OPCML: variants seen among roughly 807,000 people sequenced by gnomAD.
The protein encoded by OPCML is opioid binding protein/cell adhesion molecule like.
A neutral mutation model predicts 37.8 loss-of-function variants in OPCML; 13 were observed. That is an observed-to-expected ratio of 0.34 (90% CI 0.22 to 0.55). The LOEUF (loss-of-function observed/expected upper bound fraction) is 0.55. Ranked by LOEUF, OPCML falls within the 20% of genes least tolerant of loss-of-function variation. The pLI, the probability that OPCML is intolerant of heterozygous loss-of-function variation, is 0.91. For missense variants in OPCML, 341 were observed against 435.6 expected, an observed-to-expected ratio of 0.78 and a Z score of 1.93; for synonymous variants, 176 against 168.8, an observed-to-expected ratio of 1.04 and a Z score of -0.33.
At chr11:132,507,852 G>A (rs2096260769) in intron 4 of OPCML, among the ~76,000 whole-genome samples, 1 of 150,558 alleles carries the variant, frequency 6.6e-6, no homozygotes, top group Non-Finnish European at 1.5e-5. Flanking sequence ...TAAATATGGA[G>A]TAAAAAAGAA....
At chr11:133,197,895 T>C (rs1397214305) in intron 1 of OPCML, among the ~76,000 whole-genome samples, 1 of 152,100 alleles carries the variant, frequency 6.6e-6, no homozygotes, top group Non-Finnish European at 1.5e-5. Context: ...TCTGGGACGT[T>C]CATAGCCTGA....
chr11:133,510,193 G>A (rs1948124693), intron 1 of OPCML, among the ~76,000 whole-genome samples: 1 of 152,184 alleles, frequency 6.6e-6, no homozygotes, highest in Non-Finnish European at 1.5e-5. Context: ...GACCACCCAG[G>A]AGGCCCCTTG....
At chr11:132,922,532 T>A (rs1376972117) in intron 2 of OPCML, among the ~76,000 whole-genome samples, 1 of 151,070 alleles carries the variant, frequency 6.6e-6, no homozygotes, top group Non-Finnish European at 1.5e-5. Context: ...GGCGGCAGAG[T>A]GGCTGCCTCT....
intron 1 of OPCML, chr11:133,299,676 A>C (rs534545190): frequency 5.3e-5 from 8 of 152,304 alleles, no homozygotes; most frequent in Non-Finnish European, 8.8e-5. Context: ...CTCCAGACAG[A>C]ACATACTGTA....
intron 2 of OPCML, among the ~76,000 whole-genome samples, chr11:132,908,658 C>T (rs569290241): frequency 4.6e-5 from 7 of 152,332 alleles, no homozygotes; most frequent in Non-Finnish European, 1.0e-4. Flanking sequence ...GCCACCAGTT[C>T]TCACCAGACA....
At chr11:133,044,247 T>G (rs1471982219) in intron 1 of OPCML, among the ~76,000 whole-genome samples, 1 of 152,100 alleles carries the variant, frequency 6.6e-6, no homozygotes. Context: ...CTGCTGAAGG[T>G]GGGAGCTAGA....
At chr11:133,026,591 T>C in intron 1 of OPCML, 6 of 985,006 alleles carry the variant, frequency 6.1e-6, no homozygotes, top group Non-Finnish European at 6.0e-6. Context: ...TGATTCTTTC[T>C]AGCTAATGTC....
chr11:133,007,040 A>AG, intron 1 of OPCML: 2 of 985,478 alleles, frequency 2.0e-6, no homozygotes, highest in Non-Finnish European at 2.4e-6. Context: ...GAAAGGCATG[A>AG]GAAAAAAATC....
intron 1 of OPCML, among the ~76,000 whole-genome samples, chr11:133,057,228 G>T (rs1948256631): frequency 2.0e-5 from 3 of 152,184 alleles, no homozygotes; most frequent in Admixed American, 2.0e-4. Context: ...GATCACATGT[G>T]AAATACTTGG....
chr11:133,182,440 C>T (rs1001906658), intron 1 of OPCML, among the ~76,000 whole-genome samples: 3 of 152,138 alleles, frequency 2.0e-5, no homozygotes, highest in Non-Finnish European at 4.4e-5. Flanking sequence ...AGGCTAACAC[C>T]TTGCCAGCTG....
intron 1 of OPCML, among the ~76,000 whole-genome samples, chr11:133,303,911 T>G (rs1335226740): frequency 6.6e-6 from 1 of 152,224 alleles, no homozygotes; most frequent in Non-Finnish European, 1.5e-5. Flanking sequence ...GAGCAAAGAA[T>G]GGAAGCCTGA....
intron 1 of OPCML, among the ~76,000 whole-genome samples, chr11:133,101,264 C>A (rs139727123): frequency 1.3e-3 from 205 of 152,090 alleles, no homozygotes; most frequent in Non-Finnish European, 2.3e-3. Context: ...AAGGTACAAT[C>A]CATGAAAGAA....
chr11:133,013,410 AG>A (rs1947259791), intron 1 of OPCML, among the ~76,000 whole-genome samples: 1 of 152,356 alleles, frequency 6.6e-6, no homozygotes, highest in East Asian at 1.9e-4. Flanking sequence ...AATGAAACTC[AG>A]TACCGCATAT....
At position 132,874,114 on chromosome 11, in the gene OPCML, CTCTG is replaced by C. The variant is rs1286841170; in HGVS notation, c.146+68808_146+68811del. Among the ~76,000 whole-genome samples the C allele has an allele frequency of 4.6e-5, 7 of 152,318 alleles. No homozygotes were observed. In the South Asian group the frequency reaches 1.2e-3, roughly 27 times the overall value. Reference sequence around the variant, plus strand: ...AGGGTTTGGGTTCCGCCTCCTGAGTCTCTGTCTATGTTTAATGACTGCCATCAAT... The same window carrying C: ...AGGGTTTGGGTTCCGCCTCCTGAGTCTCTATGTTTAATGACTGCCATCAAT... On this transcript the variant is annotated intron_variant, in intron 2 of 7. Coordinates refer to ENST00000524381, the MANE Select transcript of OPCML (RefSeq NM_001012393.5).
chr11:133,222,216 T>G (rs1163364291), intron 1 of OPCML, among the ~76,000 whole-genome samples: 2 of 152,024 alleles, frequency 1.3e-5, no homozygotes, highest in Non-Finnish European at 2.9e-5. Context: ...CAGGTCACCA[T>G]GTGAAGGTGA....
At chr11:132,989,351 C>A (rs909306928) in intron 1 of OPCML, among the ~76,000 whole-genome samples, 1 of 152,100 alleles carries the variant, frequency 6.6e-6, no homozygotes, top group African/African-American at 2.4e-5. Flanking sequence ...TATGGATAAT[C>A]TTGGAAATAA....
chr11:133,175,104 A>G (rs1950348134), intron 1 of OPCML, among the ~76,000 whole-genome samples: 1 of 152,206 alleles, frequency 6.6e-6, no homozygotes, highest in South Asian at 2.1e-4. Flanking sequence ...ATTTTAGCTA[A>G]CTTAGCCACA....
intron 2 of OPCML, among the ~76,000 whole-genome samples, chr11:132,779,362 G>C (rs1199384802): frequency 6.6e-6 from 1 of 152,112 alleles, no homozygotes; most frequent in Admixed American, 6.5e-5. Context: ...GTCGAGATAA[G>C]GGAATGGCAT....
intron 1 of OPCML, among the ~76,000 whole-genome samples, chr11:133,236,253 T>C (rs1378541066): frequency 2.0e-5 from 3 of 152,160 alleles, no homozygotes; most frequent in Non-Finnish European, 4.4e-5. Context: ...GCAGGCAGCA[T>C]AGACAGTGTG....
Sources: allele counts gnomAD v4.1 joint callset (sites outside exome capture counted in the v4.1 genomes callset), GRCh38; gene constraint gnomAD v4.1.1; transcripts MANE v1.5; gene names NCBI Gene and HGNC (gene_info 2026-07-23, HGNC 2026-07-21).